C4orf36: variants seen among roughly 807,000 people sequenced by gnomAD.
The protein encoded by C4orf36 is chromosome 4 open reading frame 36.
A neutral mutation model predicts 12.2 loss-of-function variants in C4orf36; 11 were observed. The ratio of observed to expected loss-of-function variants is 0.90; its 90% CI spans 0.57 to 1.49. The LOEUF (loss-of-function observed/expected upper bound fraction) is 1.49, where lower values mean the gene tolerates loss of function less well. Among genes scored for constraint, C4orf36 ranks in the 40% most tolerant of loss-of-function variants. C4orf36 has a pLI of 0.00. For synonymous variants in C4orf36, 54 were observed against 51.3 expected (o/e 1.05, Z -0.22); for missense variants, 137 against 133.9 (o/e 1.02, Z -0.11).
At chr4:86,929,330 T>A in the C4orf36 span, among the ~76,000 whole-genome samples, 1 of 152,236 alleles carries the variant, frequency 6.6e-6, no homozygotes, top group Admixed American at 6.5e-5. Flanking sequence ...CCATTTCTTA[T>A]GACTGTGGCC....
the C4orf36 span, among the ~76,000 whole-genome samples, chr4:86,905,051 C>A: frequency 6.6e-6 from 1 of 151,734 alleles, no homozygotes. Context: ...GTCTAGGCAA[C>A]ATAATGAGAC....
the C4orf36 span, among the ~76,000 whole-genome samples, chr4:86,909,198 C>T: frequency 6.6e-6 from 1 of 152,114 alleles, no homozygotes. Context: ...ACTATAGTTC[C>T]AACTTAGCCA....
intron 2 of C4orf36, among the ~76,000 whole-genome samples, chr4:86,888,792 A>T (rs371002827): frequency 3.5e-4 from 54 of 152,280 alleles, no homozygotes; most frequent in African/African-American, 1.2e-3. Context: ...TATCAGCTAC[A>T]TGTTTCTCAT....
At chr4:86,900,972 C>T in the C4orf36 span, among the ~76,000 whole-genome samples, 1 of 151,524 alleles carries the variant, frequency 6.6e-6, no homozygotes, top group Non-Finnish European at 1.5e-5. Flanking sequence ...CTGCTCAAAT[C>T]CTGCAGTGGT....
At chr4:86,934,938 G>A in the C4orf36 span, 4 of 151,912 alleles carry the variant, frequency 2.6e-5, no homozygotes, top group Non-Finnish European at 4.4e-5. Context: ...TCGGGAGGTG[G>A]GGGTGGGGGC....
At chr4:86,889,351 C>CAAAAAA (rs11357505) in intron 2 of C4orf36, among the ~76,000 whole-genome samples, 1 of 118,278 alleles carries the variant, frequency 8.5e-6, no homozygotes, top group African/African-American at 3.2e-5. Context: ...AACTCCGTCT[C>CAAAAAA]AAAAAAAAAA....
the C4orf36 span, among the ~76,000 whole-genome samples, chr4:86,910,626 A>C: frequency 6.6e-6 from 1 of 152,130 alleles, no homozygotes; most frequent in Non-Finnish European, 1.5e-5. Flanking sequence ...AGAAGTGTGA[A>C]GTTGATCCTG....
the C4orf36 span, among the ~76,000 whole-genome samples, chr4:86,898,003 G>A: frequency 3.9e-5 from 6 of 152,142 alleles, no homozygotes; most frequent in African/African-American, 1.2e-4. Context: ...CTGTTACAAC[G>A]TCACCCTATA....
chr4:86,887,668 T>C lies in C4orf36; in HGVS notation c.*2+90A>G, dbSNP rs1747228174. ...CCATCCACCAGTGGGCATTCAAATATCTGCCCTGAACTATACATAGTGAAA... is the reference window on the plus strand; with the variant it reads ...CCATCCACCAGTGGGCATTCAAATACCTGCCCTGAACTATACATAGTGAAA... On this transcript the variant is annotated intron_variant, in intron 4 of 4. Coordinates refer to ENST00000295898, the MANE Select transcript of C4orf36 (RefSeq NM_144645.4). The C allele has an allele frequency of 3.3e-6, 5 of 1,498,738 alleles. No homozygotes were observed. In the East Asian group the frequency reaches 1.1e-4, roughly 34 times the overall value. The allele number at this position is 1,498,738 out of a possible 1,614,324, so 92.8% of individuals were successfully genotyped here. A position where few individuals can be genotyped will look rare whatever the true frequency, so the allele number is the denominator to read the frequency against.
chr4:86,884,613 T>A (rs1482916894), intron 4 of C4orf36, among the ~76,000 whole-genome samples: 2 of 152,088 alleles, frequency 1.3e-5, no homozygotes, highest in African/African-American at 4.8e-5. Context: ...GCCTGACAAT[T>A]TTTTTTAGGA....
chr4:86,917,842 T>C, the C4orf36 span, among the ~76,000 whole-genome samples: 1 of 149,432 alleles, frequency 6.7e-6, no homozygotes, highest in Non-Finnish European at 1.5e-5. Flanking sequence ...TACAGCATGT[T>C]ACTGTACTGA....
the C4orf36 span, among the ~76,000 whole-genome samples, chr4:86,899,155 T>C: frequency 6.6e-6 from 1 of 152,180 alleles, no homozygotes; most frequent in Non-Finnish European, 1.5e-5. Context: ...TGTCTGAGGA[T>C]TTTACTCAAT....
the C4orf36 span, among the ~76,000 whole-genome samples, chr4:86,932,736 C>G: frequency 2.6e-5 from 3 of 116,704 alleles, no homozygotes; most frequent in Non-Finnish European, 4.8e-5. Flanking sequence ...TAAAAAGTCC[C>G]ATCATCATAT....
chr4:86,927,688 T>G, the C4orf36 span, among the ~76,000 whole-genome samples: 17 of 152,032 alleles, frequency 1.1e-4, no homozygotes, highest in South Asian at 4.1e-4. Flanking sequence ...CAATCCCAGC[T>G]ACTCAGGAGG....
chr4:86,934,576 G>A, the C4orf36 span: 1 of 152,228 alleles, frequency 6.6e-6, no homozygotes, highest in African/African-American at 2.4e-5. Context: ...GCCTGTGTGT[G>A]AAAGGCCTTT....
upstream of C4orf36, among the ~76,000 whole-genome samples, chr4:86,895,836 A>G (rs1747579351): frequency 6.6e-6 from 1 of 151,522 alleles, no homozygotes; most frequent in African/African-American, 2.4e-5. Flanking sequence ...CTGGCGTCCT[A>G]CACACATCTT....
chr4:86,880,404 A>G (rs1266531284), intron 4 of C4orf36, among the ~76,000 whole-genome samples: 1 of 152,154 alleles, frequency 6.6e-6, no homozygotes, highest in East Asian at 1.9e-4. Flanking sequence ...CAGTAAGCCA[A>G]GATTGCGCCA....
At chr4:86,921,495 T>C in the C4orf36 span, among the ~76,000 whole-genome samples, 1 of 152,334 alleles carries the variant, frequency 6.6e-6, no homozygotes, top group Non-Finnish European at 1.5e-5. Context: ...TGTTTATTTT[T>C]AAATGTTAGC....
chr4:86,895,734 C>G (rs1404305508), upstream of C4orf36, among the ~76,000 whole-genome samples: 1 of 151,880 alleles, frequency 6.6e-6, no homozygotes, highest in East Asian at 1.9e-4. Flanking sequence ...CCTCTCTCTC[C>G]CTCTTTCCCT....
Sources: gnomAD v4.1 joint callset for allele counts (sites outside exome capture counted in the v4.1 genomes callset) on GRCh38, gnomAD v4.1.1 for gene constraint, MANE v1.5 for transcripts, NCBI Gene and HGNC (gene_info 2026-07-23, HGNC 2026-07-21) for gene names.